CATSPER4: variants seen among roughly 807,000 people sequenced by gnomAD.
The protein encoded by CATSPER4 is cation channel sperm associated 4, also known as cation channel sperm-associated protein 4.
In CATSPER4, 46 loss-of-function variants were observed where a neutral mutation model predicts 54.4. The ratio of observed to expected loss-of-function variants is 0.84; its 90% CI spans 0.67 to 1.08. The LOEUF is 1.08. CATSPER4 is among the 50% of genes least tolerant of loss of function. The pLI is 0.00. For missense variants in CATSPER4, 574 were observed against 612.8 expected, an observed-to-expected ratio of 0.94 and a Z score of 0.67; for synonymous variants, 230 against 231.9, an observed-to-expected ratio of 0.99 and a Z score of 0.08.
At chr1:26,192,026 AAG>A (rs1032561345) in intron 2 of CATSPER4, among the ~76,000 whole-genome samples, 1 of 152,094 alleles carries the variant, frequency 6.6e-6, no homozygotes, top group Non-Finnish European at 1.5e-5. Flanking sequence ...TGGCCAGGCA[AAG>A]AGAGGTGGGG....
At chr1:26,196,144 C>CTT (rs376569258) in intron 3 of CATSPER4, among the ~76,000 whole-genome samples, 29,641 of 125,154 alleles carry the variant, frequency 0.24, 4,114 homozygotes, top group African/African-American at 0.31. Context: ...CTTTCTTTTC[C>CTT]TTTTTTTTTT....
intron 3 of CATSPER4, among the ~76,000 whole-genome samples, chr1:26,194,151 T>C (rs1467119623): frequency 6.6e-6 from 1 of 152,194 alleles, no homozygotes; most frequent in Admixed American, 6.5e-5. Context: ...GTCTGAGAAA[T>C]GGGGCTGAAA....
intron 6 of CATSPER4, 79 bp downstream of exon 6, chr1:26,198,498 G>A: frequency 6.3e-7 from 1 of 1,585,636 alleles, no homozygotes; most frequent in Non-Finnish European, 8.6e-7. Context: ...GAGAGTGGGA[G>A]CTCCAGGGAT....
intron 2 of CATSPER4, among the ~76,000 whole-genome samples, chr1:26,192,316 G>A (rs190019043): frequency 2.8e-4 from 42 of 151,996 alleles, no homozygotes; most frequent in African/African-American, 9.4e-4. Flanking sequence ...TGAGCCAGGC[G>A]CAGTGGTTCA....
At chr1:26,193,922 C>A (rs1456429201) in intron 3 of CATSPER4, 34 bp downstream of exon 3, 3 of 1,417,732 alleles carry the variant, frequency 2.1e-6, no homozygotes, top group Non-Finnish European at 3.0e-6. Flanking sequence ...CTACTTCCCC[C>A]TGGGGACTGC....
chr1:26,200,716 G>A, intron 7 of CATSPER4, 114 bp from the exon 8 acceptor site: 1 of 839,236 alleles, frequency 1.2e-6, no homozygotes, highest in Non-Finnish European at 2.0e-6. Flanking sequence ...GCTGAAATGA[G>A]GGCCTTAGAA....
chr1:26,197,796 C>T lies in CATSPER4; in HGVS notation c.557+13C>T. The stretch of plus-strand genomic sequence containing the variant: ...ACTACACTCTCAGGTGAGCGGGGAG[C>T]TCTGGAGAAATGAGGGGGACCTATC... On this transcript the variant is annotated intron_variant, in intron 4 of 9. Transcript: ENST00000456354. 6.2e-7 allele frequency: 1 copy of T among 1,610,362 alleles called. No homozygotes were observed. The highest frequency in any genetic ancestry group is 8.5e-7 in the Non-Finnish European group (1 of 1,176,692).
At chr1:26,199,394 T>C (rs2088979938) in intron 6 of CATSPER4, among the ~76,000 whole-genome samples, 1 of 148,080 alleles carries the variant, frequency 6.8e-6, no homozygotes, top group Non-Finnish European at 1.5e-5. Context: ...ATCACGCCAC[T>C]GCACTCCAGC....
intron 8 of CATSPER4, 108 bp downstream of exon 8, chr1:26,201,149 C>A: frequency 9.4e-7 from 1 of 1,064,330 alleles, no homozygotes; most frequent in Non-Finnish European, 1.4e-6. Flanking sequence ...AGAGCCTGGG[C>A]CCCACAGAGG....
At chr1:26,190,992 T>C in intron 1 of CATSPER4, 152 bp downstream of exon 1, 2 of 775,892 alleles carry the variant, frequency 2.6e-6, no homozygotes, top group Middle Eastern at 3.6e-4. Flanking sequence ...GATATGTTAG[T>C]AACTCTCTGG....
chr1:26,201,574 C>T lies in CATSPER4; in HGVS notation c.1365+55C>T, dbSNP rs759646323. On this transcript the variant is annotated intron_variant, in intron 9 of 9. Coordinates refer to ENST00000456354, the MANE Select transcript of CATSPER4 (RefSeq NM_198137.2). The stretch of plus-strand genomic sequence containing the variant: ...ACTCGCCCTGACACTCTGCTCAGCC[C>T]AGCCCAGCCGGGCCTCTGGACCATT... The T allele has an allele frequency of 7.0e-5, 111 of 1,587,888 alleles. 2 individuals carry two copies. The South Asian group carries it at 8.7e-4, about 12-fold the overall frequency.
At chr1:26,191,469 TG>T (rs748751122) in intron 2 of CATSPER4, 39 bp downstream of exon 2, 1 of 1,608,014 alleles carries the variant, frequency 6.2e-7, no homozygotes, top group Non-Finnish European at 8.5e-7. Flanking sequence ...CTAACCCTAA[TG>T]GGGGGCCTGG....
chr1:26,200,935 C>T lies in CATSPER4; in HGVS notation c.1093C>T (p.Pro365Ser). Reference protein sequence around the residue: ...GLLQEPLAGGPLSNLSENTCD... With the variant: ...GLLQEPLAGGSLSNLSENTCD... ...CCTCCAGGAACCCCTTGCGGGAGGC[C>T]CCCTGTCGAACCTCTCAGAAAACAC... is the stretch of plus-strand genomic sequence containing the variant. The change falls in exon 8 of 10, where the codon CCC becomes TCC. Residue 365 changes from proline (P) to serine (S), a missense_variant. Transcript: ENST00000456354. 6.2e-7 allele frequency: 1 copy of T among 1,614,024 alleles called. No individual in the cohort carries two copies.
chr1:26,193,694 T>C (rs2088901408), intron 2 of CATSPER4, 93 bp from the exon 3 acceptor site: 17 of 818,178 alleles, frequency 2.1e-5, no homozygotes, highest in South Asian at 2.0e-4. Flanking sequence ...ATACGGGACT[T>C]CCCTCCCCTA....
Position 26,192,315 on chromosome 1 carries a change from C to T in CATSPER4, c.357+885C>T, listed in dbSNP as rs61776647. Among the ~76,000 whole-genome samples the T allele has an allele frequency of 4.1e-3, 619 of 151,850 alleles. 1 individual carries two copies. Among genetic ancestry groups the T allele is most frequent in the Non-Finnish European group, 6.8e-3 (464 of 67,916 alleles). On this transcript the variant is annotated intron_variant, in intron 2 of 9. Transcript: ENST00000456354. ...ATTAAAAAAATGTTTTTGAGCCAGG[C>T]GCAGTGGTTCATGCCTGTAATCCCA...
chr1:26,200,960 C>T lies in CATSPER4; in HGVS notation c.1118C>T (p.Thr373Met), dbSNP rs757319008. 3.0e-5 allele frequency: 49 copies of T among 1,614,004 alleles called. No homozygotes were observed. The highest frequency in any genetic ancestry group is 4.0e-5 in the Non-Finnish European group (47 of 1,180,022). Residue 373 changes from threonine to methionine, a missense_variant, in exon 8 of 10, where the codon ACG becomes ATG. By Grantham distance (81) the Thr-to-Met change is moderately conservative. Coordinates refer to ENST00000456354, the MANE Select transcript of CATSPER4 (RefSeq NM_198137.2). ...CCCCTGTCGAACCTCTCAGAAAACA[C>T]GTGTGACAACTTTTGCTTGGTGCTT... Reference protein sequence around the residue: ...GGPLSNLSENTCDNFCLVLEA... With the variant: ...GGPLSNLSENMCDNFCLVLEA...
intron 7 of CATSPER4, 92 bp downstream of exon 7, chr1:26,200,150 T>A: frequency 3.5e-6 from 5 of 1,446,568 alleles, no homozygotes; most frequent in Non-Finnish European, 4.7e-6. Context: ...GCTTGCATAA[T>A]CAAGGGCCTG....
chr1:26,198,121 AGGGCCCTT>A (rs776731511), intron 5 of CATSPER4, 44 bp downstream of exon 5: 4 of 1,613,944 alleles, frequency 2.5e-6, no homozygotes, highest in Admixed American at 3.3e-5. Flanking sequence ...TTCCCTGAAC[AGGGCCCTT>A]GGGTCATTGC....
In CATSPER4 at chr1:26,191,413, A is replaced by C; in HGVS notation, c.340A>C (p.Asn114His). Residue 114 changes from asparagine to histidine, a missense_variant, in exon 2 of 10, where the codon AAC (asparagine) becomes CAC (histidine). Coordinates refer to ENST00000456354, the MANE Select transcript of CATSPER4 (RefSeq NM_198137.2). Reference protein sequence around the residue: ...INAITIALRTNSYLDQKHYEL... With the variant: ...INAITIALRTHSYLDQKHYEL... ...TGCCATCACCATCGCTCTCCGTACC[A>C]ACTCCTACCTGGACCAGGTGGGATG... 6.2e-7 allele frequency: 1 copy of C among 1,614,176 alleles called. No homozygotes were observed. Among genetic ancestry groups the C allele is most frequent in the South Asian group, 1.1e-5 (1 of 91,086 alleles).
Sources: gnomAD v4.1 joint callset for allele counts (sites outside exome capture counted in the v4.1 genomes callset) on GRCh38, gnomAD v4.1.1 for gene constraint, MANE v1.5 for transcripts, NCBI Gene and HGNC (gene_info 2026-07-23, HGNC 2026-07-21) for gene names.